CYP46A1: variants seen among roughly 807,000 people sequenced by gnomAD.
CYP46A1 encodes the protein cholesterol 24-hydroxylase.
A neutral mutation model predicts 63.3 loss-of-function variants in CYP46A1; 20 were observed. The ratio of observed to expected loss-of-function variants is 0.32; its 90% CI spans 0.22 to 0.46. The LOEUF is 0.46. Among genes scored for constraint, CYP46A1 ranks in the 20% least tolerant of loss-of-function variants. CYP46A1 has a pLI of 1.00. For synonymous variants in CYP46A1, 268 were observed against 273.6 expected, an observed-to-expected ratio of 0.98 and a Z score of 0.20; for missense variants, 445 against 670.8, an observed-to-expected ratio of 0.66 and a Z score of 3.72.
rs766731643 is a variant in CYP46A1, at chr14:99,684,376, C to T, written c.-42C>T. On this transcript the variant is annotated 5_prime_UTR_variant, in exon 1 of 15. Coordinates refer to ENST00000261835, the MANE Select transcript of CYP46A1 (RefSeq NM_006668.2). ...GCTCGCGGCCTCCCGGCCCCCTCGGCGCCCGGCCCGACCCTGGCCTGGCCT... is the reference window on the plus strand; with the variant it reads ...GCTCGCGGCCTCCCGGCCCCCTCGGTGCCCGGCCCGACCCTGGCCTGGCCT... 61 of 1,231,536 alleles carry T rather than the reference C, an allele frequency of 5.0e-5. No individual in the cohort carries two copies. The African/African-American group carries it at 8.0e-4, about 16-fold the overall frequency. 76.3% of individuals were successfully genotyped at this position (1,231,536 alleles called of 1,614,324 possible).
At position 99,726,721 on chromosome 14, in the gene CYP46A1, C is replaced by G; in HGVS notation, c.1497C>G (p.Pro499=). ...RGWQPAPPPP[P]C Reference sequence around the variant, plus strand: ...GGCAGCCCGCACCCCCACCACCCCCCTGCTGAGGGGGCCTCCAGGCAGGAC... The same window carrying G: ...GGCAGCCCGCACCCCCACCACCCCCGTGCTGAGGGGGCCTCCAGGCAGGAC... The change falls in exon 15 of 15, where the codon CCC becomes CCG. Residue 499 remains proline, a synonymous_variant. Coordinates refer to ENST00000261835, the MANE Select transcript of CYP46A1 (RefSeq NM_006668.2). 6.5e-7 allele frequency: 1 copy of G among 1,528,544 alleles called. No homozygotes were observed. Among genetic ancestry groups the G allele is most frequent in the Non-Finnish European group, 8.8e-7 (1 of 1,136,308 alleles). 94.7% of individuals were successfully genotyped at this position (1,528,544 alleles called of 1,614,324 possible). A position where few individuals can be genotyped will look rare whatever the true frequency, so the allele number is the denominator to read the frequency against.
intron 10 of CYP46A1, 135 bp from the exon 11 acceptor site, chr14:99,721,104 C>A: frequency 4.4e-6 from 3 of 675,836 alleles, no homozygotes; most frequent in Non-Finnish European, 8.1e-6. Flanking sequence ...AATAAAGCTA[C>A]AAGTAACAGT....
At chr14:99,717,203 C>T (rs35288284) in intron 9 of CYP46A1, among the ~76,000 whole-genome samples, 79 of 152,220 alleles carry the variant, frequency 5.2e-4, no homozygotes, top group Non-Finnish European at 9.4e-4. Context: ...AAATGGGGGC[C>T]TTGAGGAGCT....
Position 99,710,398 on chromosome 14 carries a change from T to TA in CYP46A1, c.693+2727dup, listed in dbSNP as rs572415700. On this transcript the variant is annotated intron_variant, in intron 7 of 14. Transcript: ENST00000261835. ...AAAAGATATAGATTGACTGAATGGA[T>TA]AAAAAAATTACCCAACTATATGCTG... The TA allele has an allele frequency of 1.1e-3, 161 of 152,106 alleles. 1 individual carries two copies. Among genetic ancestry groups the TA allele is most frequent in the South Asian group, 4.6e-3 (22 of 4,814 alleles). 9.4% of individuals were successfully genotyped at this position (152,106 alleles called of 1,614,324 possible).
Position 99,707,623 on chromosome 14 carries a change from A to G in CYP46A1, c.638A>G (p.Gln213Arg). The G allele has an allele frequency of 6.2e-7, 1 of 1,614,132 alleles. No homozygotes were observed. Among genetic ancestry groups the G allele is most frequent in the Non-Finnish European group, 8.5e-7 (1 of 1,180,006 alleles). Residue 213 changes from glutamine (Q) to arginine (R), a missense_variant, in exon 7 of 15, where the codon CAG (glutamine) becomes CGG (arginine). Coordinates refer to ENST00000261835, the MANE Select transcript of CYP46A1 (RefSeq NM_006668.2). ...CTGGGTGCCCAGAAGCCTCTGTCCC[A>G]GGCAGTGAAACTTATGTTGGAGGGA... ...MLLGAQKPLS[Q>R]AVKLMLEGIT...
intron 1 of CYP46A1, 89 bp downstream of exon 1, chr14:99,684,625 C>A: frequency 8.4e-7 from 1 of 1,196,944 alleles, no homozygotes; most frequent in Non-Finnish European, 1.2e-6. Flanking sequence ...GCCGGGGGTC[C>A]GGCCTCGCCT....
At position 99,690,394 on chromosome 14, in the gene CYP46A1, C is replaced by G. The variant is rs556616174; in HGVS notation, c.120-687C>G. 5.9e-5 allele frequency among the ~76,000 whole-genome samples: 9 copies of G among 152,310 alleles called. No individual in the cohort carries two copies. In the East Asian group the frequency reaches 9.6e-4, roughly 16 times the overall value. ...TTCTCCTATCACCCTCTGACATTGT[C>G]TTTACTTGTTTATTTACTCTCCGCC... On this transcript the variant is annotated intron_variant, in intron 1 of 14. Transcript: ENST00000261835.
At chr14:99,716,645 G>A (rs763000923) in intron 9 of CYP46A1, among the ~76,000 whole-genome samples, 2 of 152,226 alleles carry the variant, frequency 1.3e-5, no homozygotes, top group African/African-American at 2.4e-5. Flanking sequence ...GCTGCCTCAG[G>A]CACTCAGCTA....
rs766185526 is a variant in CYP46A1, at chr14:99,715,871, A to G, written c.755A>G (p.Gln252Arg). 1 of 1,613,938 alleles carries G rather than the reference A, an allele frequency of 6.2e-7. No individual in the cohort carries two copies. Among genetic ancestry groups the G allele is most frequent in the Admixed American group, 1.7e-5 (1 of 60,002 alleles). The change falls in exon 8 of 15, where the codon CAG becomes CGG. Residue 252 changes from glutamine (Q) to arginine (R), a missense_variant. Physicochemically the swap from Gln to Arg is conservative, Grantham distance 43. This residue lies in a region of CYP46A1 where 252 missense variants were observed against 383.3 expected (regional missense o/e 0.66). Coordinates refer to ENST00000261835, the MANE Select transcript of CYP46A1 (RefSeq NM_006668.2). ...EVRESIRFLRQVGRDWVQRRR... is the reference protein window; with the variant it reads ...EVRESIRFLRRVGRDWVQRRR... ...CGGGAGAGCATTCGCTTCCTGCGCC[A>G]GGTGGGCAGGGACTGGGTCCAGCGC...
Position 99,726,719 on chromosome 14 carries a change from C to G in CYP46A1, c.1495C>G (p.Pro499Ala), listed in dbSNP as rs1002928872. 3.3e-6 allele frequency: 5 copies of G among 1,529,682 alleles called. No homozygotes were observed. In the African/African-American group the frequency reaches 6.9e-5, roughly 21 times the overall value. 94.8% of individuals were successfully genotyped at this position (1,529,682 alleles called of 1,614,324 possible). A position where few individuals can be genotyped will look rare whatever the true frequency, so the allele number is the denominator to read the frequency against. Residue 499 changes from proline (P) to alanine (A), a missense_variant, in exon 15 of 15, where the codon CCC becomes GCC. Transcript: ENST00000261835. ...CTGGCAGCCCGCACCCCCACCACCC[C>G]CCTGCTGAGGGGGCCTCCAGGCAGG... ...RGWQPAPPPPPC is the reference protein window; with the variant it reads ...RGWQPAPPPPAC
At chr14:99,695,646 T>TTA (rs2056581627) in intron 3 of CYP46A1, among the ~76,000 whole-genome samples, 1 of 70,058 alleles carries the variant, frequency 1.4e-5, no homozygotes, top group South Asian at 5.4e-4. Flanking sequence ...TATTATTATT[T>TTA]TGAGAAGCAG....
chr14:99,693,525 C>T (rs887137786), intron 3 of CYP46A1: 4 of 152,124 alleles, frequency 2.6e-5, no homozygotes, highest in Non-Finnish European at 5.9e-5. Flanking sequence ...TTGTTAGATT[C>T]AATTTGCTAA....
intron 1 of CYP46A1, 82 bp downstream of exon 1, chr14:99,684,618 G>T (rs908983003): frequency 4.8e-6 from 6 of 1,258,198 alleles, no homozygotes; most frequent in Admixed American, 2.4e-5. Flanking sequence ...CGTCCAGGCC[G>T]GGGGTCCGGC....
intron 1 of CYP46A1, among the ~76,000 whole-genome samples, chr14:99,686,883 C>G (rs1187599866): frequency 6.6e-6 from 1 of 152,198 alleles, no homozygotes; most frequent in Non-Finnish European, 1.5e-5. Flanking sequence ...AAATATAAAA[C>G]TGCACTAAAT....
At chr14:99,697,427 C>A (rs1178873960) in intron 3 of CYP46A1, among the ~76,000 whole-genome samples, 1 of 152,190 alleles carries the variant, frequency 6.6e-6, no homozygotes, top group Non-Finnish European at 1.5e-5. Flanking sequence ...TGATCTCTGT[C>A]TATTCAACTT....
In CYP46A1 at chr14:99,715,854, C is replaced by G; in HGVS notation, c.738C>G (p.Ser246Arg). 1 of 1,614,144 alleles carries G rather than the reference C, an allele frequency of 6.2e-7. No individual in the cohort carries two copies. The highest frequency in any genetic ancestry group is 8.5e-7 in the Non-Finnish European group (1 of 1,180,034). ...KRKQLREVRE[S>R]IRFLRQVGRD... ...AGCAGCTCCGGGAGGTCCGGGAGAG[C>G]ATTCGCTTCCTGCGCCAGGTGGGCA... Residue 246 changes from serine to arginine, a missense_variant, in exon 8 of 15, where the codon AGC (serine) becomes AGG (arginine). By Grantham distance (110) the Ser-to-Arg change is moderately radical. This residue lies in a region of CYP46A1 where 252 missense variants were observed against 383.3 expected (regional missense o/e 0.66). Coordinates refer to ENST00000261835, the MANE Select transcript of CYP46A1 (RefSeq NM_006668.2).
intron 5 of CYP46A1, among the ~76,000 whole-genome samples, chr14:99,704,669 A>C (rs2056660004): frequency 6.6e-6 from 1 of 152,262 alleles, no homozygotes; most frequent in Non-Finnish European, 1.5e-5. Flanking sequence ...TATCTGGATA[A>C]TCAACTTAAA....
At chr14:99,694,673 A>T (rs952608369) in intron 3 of CYP46A1, among the ~76,000 whole-genome samples, 1 of 151,378 alleles carries the variant, frequency 6.6e-6, no homozygotes, top group South Asian at 2.1e-4. Context: ...CTAAATTTTT[A>T]TTTTTTTGGT....
At position 99,684,425 on chromosome 14, in the gene CYP46A1, C is replaced by T; in HGVS notation, c.8C>T (p.Pro3Leu). ...CTGCCCTGCCCCGGAGCCATGAGCC[C>T]CGGGCTGCTGCTGCTCGGCAGCGCC... MS[P>L]GLLLLGSAVL... is the part of the protein sequence containing the mutation. The change falls in exon 1 of 15, where the codon CCC (proline) becomes CTC (leucine). Residue 3 changes from proline (P) to leucine (L), a missense_variant. This residue lies in a region of CYP46A1 where 252 missense variants were observed against 383.3 expected (regional missense o/e 0.66). Transcript: ENST00000261835. 2 of 1,462,906 alleles carry T rather than the reference C, an allele frequency of 1.4e-6. No homozygotes were observed. The highest frequency in any genetic ancestry group is 2.4e-4 in the Middle Eastern group (1 of 4,212). The allele number at this position is 1,462,906 out of a possible 1,614,324, so 90.6% of individuals were successfully genotyped here.
Sources: gnomAD v4.1 joint callset for allele counts (sites outside exome capture counted in the v4.1 genomes callset) on GRCh38, gnomAD v4.1.1 for gene constraint, gnomAD v4.1.1 regional missense constraint, MANE v1.5 for transcripts, NCBI Gene and HGNC (gene_info 2026-07-23, HGNC 2026-07-21) for gene names.